Variants in PCDHA11 observed in about 807,000 individuals in gnomAD.
PCDHA11 encodes the protein protocadherin alpha-11.
PCDHA11 carries 61 observed loss-of-function variants against 70.3 expected under a neutral mutation model. That is an observed-to-expected ratio of 0.87 (90% CI 0.71 to 1.07). PCDHA11 has a LOEUF of 1.07. Among genes scored for constraint, PCDHA11 ranks in the 50% least tolerant of loss-of-function variants. PCDHA11 has a pLI of 0.00. For missense variants in PCDHA11, 1,324 were observed against 1,237.5 expected (o/e 1.07, Z -1.05); for synonymous variants, 633 against 555.1 (o/e 1.14, Z -1.97).
rs782325875 is a variant in PCDHA11, at chr5:140,979,026, A to T, written c.2450+19A>T. The T allele has an allele frequency of 6.2e-7, 1 of 1,613,490 alleles. No homozygotes were observed. The highest frequency in any genetic ancestry group is 1.1e-5 in the South Asian group (1 of 90,898). On this transcript the variant is annotated intron_variant, in intron 2 of 3. Transcript: ENST00000398640. ...TGCACAGGTATGTATTTCCCTCCTC[A>T]TTCACTCAGAAGTAACCTTAACTTG...
chr5:140,927,870 G>A (rs1302526715), intron 1 of PCDHA11: 1 of 1,614,100 alleles, frequency 6.2e-7, no homozygotes. Context: ...CCGCTAAACT[G>A]CTGGTGGAGG....
chr5:140,969,506 G>T, intron 1 of PCDHA11: 1 of 1,427,058 alleles, frequency 7.0e-7, no homozygotes, highest in Non-Finnish European at 9.3e-7. Flanking sequence ...TAGAAAAATA[G>T]CACTAAAGAA....
chr5:140,889,400 A>T (rs187751360), intron 1 of PCDHA11, among the ~76,000 whole-genome samples: 1 of 152,050 alleles, frequency 6.6e-6, no homozygotes, highest in Admixed American at 6.5e-5. Context: ...AGTTTAATTT[A>T]CTCGAGTCAG....
At chr5:140,887,661 T>A (rs1322494406) in intron 1 of PCDHA11, among the ~76,000 whole-genome samples, 1 of 152,170 alleles carries the variant, frequency 6.6e-6, no homozygotes, top group African/African-American at 2.4e-5. Context: ...CTTGGATCTG[T>A]GGATTTATCA....
At chr5:140,897,307 A>G (rs2065987327) in intron 1 of PCDHA11, among the ~76,000 whole-genome samples, 2 of 148,058 alleles carry the variant, frequency 1.4e-5, no homozygotes, top group African/African-American at 2.5e-5. Context: ...AGCATTAGGT[A>G]TATCTCCTAA....
At chr5:140,947,627 A>C (rs1375142600) in intron 1 of PCDHA11, among the ~76,000 whole-genome samples, 1 of 151,696 alleles carries the variant, frequency 6.6e-6, no homozygotes, top group Non-Finnish European at 1.5e-5. Context: ...ATATTGAGTC[A>C]TCAGATCGTA....
intron 3 of PCDHA11, among the ~76,000 whole-genome samples, chr5:140,988,382 T>C (rs2097295449): frequency 6.6e-6 from 1 of 152,148 alleles, no homozygotes; most frequent in African/African-American, 2.4e-5. Flanking sequence ...TGAAACTCAT[T>C]GTGTTTGCCA....
At chr5:140,993,406 T>C (rs1382987714) in intron 3 of PCDHA11, among the ~76,000 whole-genome samples, 2 of 150,998 alleles carry the variant, frequency 1.3e-5, no homozygotes, top group South Asian at 4.2e-4. Flanking sequence ...TTAACCACCT[T>C]CATCAGCATT....
intron 1 of PCDHA11, among the ~76,000 whole-genome samples, chr5:140,937,638 C>T (rs1563161991): frequency 6.7e-6 from 1 of 150,048 alleles, no homozygotes; most frequent in Non-Finnish European, 1.5e-5. Flanking sequence ...AAAGGCAGGG[C>T]ATGGTGGCTC....
At chr5:140,890,995 AATTATTG>A (rs2062893933) in intron 1 of PCDHA11, among the ~76,000 whole-genome samples, 1 of 152,138 alleles carries the variant, frequency 6.6e-6, no homozygotes, top group Non-Finnish European at 1.5e-5. Context: ...ATTTCATCAT[AATTATTG>A]AAAAGCATTT....
intron 1 of PCDHA11, among the ~76,000 whole-genome samples, chr5:140,875,022 C>A (rs1267699693): frequency 1.3e-5 from 2 of 152,116 alleles, no homozygotes; most frequent in Non-Finnish European, 2.9e-5. Context: ...TAGGTTCTGG[C>A]CTACTGTATT....
At chr5:140,979,710 A>G (rs1178718053) in intron 2 of PCDHA11, among the ~76,000 whole-genome samples, 1 of 152,268 alleles carries the variant, frequency 6.6e-6, no homozygotes, top group Non-Finnish European at 1.5e-5. Flanking sequence ...GAGGTGATCC[A>G]GTATCCATGC....
chr5:140,908,861 T>C (rs1554193539), intron 1 of PCDHA11, among the ~76,000 whole-genome samples: 1 of 152,160 alleles, frequency 6.6e-6, no homozygotes, highest in Admixed American at 6.5e-5. Flanking sequence ...AAATGAGGAA[T>C]GTGTTGCCTC....
At chr5:140,931,035 C>A (rs2153606811) in intron 1 of PCDHA11, among the ~76,000 whole-genome samples, 1 of 152,250 alleles carries the variant, frequency 6.6e-6, no homozygotes, top group Non-Finnish European at 1.5e-5. Context: ...GTAGAGCTAG[C>A]AAGAAAAACT....
chr5:140,929,508 A>C (rs1200880949), intron 1 of PCDHA11: 3 of 831,290 alleles, frequency 3.6e-6, no homozygotes, highest in Non-Finnish European at 5.1e-6. Context: ...CCTAGGCCTC[A>C]AGGGACTTAT....
At chr5:140,897,367 T>G (rs1554187348) in intron 1 of PCDHA11, among the ~76,000 whole-genome samples, 1 of 125,642 alleles carries the variant, frequency 8.0e-6, no homozygotes, top group South Asian at 2.5e-4. Flanking sequence ...CAGAGTGTGA[T>G]GTTCCCTTCC....
At chr5:140,991,753 T>C (rs1262588559) in intron 3 of PCDHA11, among the ~76,000 whole-genome samples, 3 of 152,208 alleles carry the variant, frequency 2.0e-5, no homozygotes, top group Non-Finnish European at 2.9e-5. Flanking sequence ...CTTTCTATCA[T>C]GCTCTTCAAA....
In PCDHA11 at chr5:140,961,268, T is replaced by C. The variant is rs116524101; in HGVS notation, c.2392-17681T>C. Reference sequence around the variant, plus strand: ...TATCCGAAGCTCCAGGAAGCTTCTTTTTACCATGGCTCTGTTTCTTGAGGT... The same window carrying C: ...TATCCGAAGCTCCAGGAAGCTTCTTCTTACCATGGCTCTGTTTCTTGAGGT... On this transcript the variant is annotated intron_variant, in intron 1 of 3. Coordinates refer to ENST00000398640, the MANE Select transcript of PCDHA11 (RefSeq NM_018902.5). Among the ~76,000 whole-genome samples the C allele has an allele frequency of 5.5e-3, 833 of 152,318 alleles. 9 individuals carry two copies. The highest frequency in any genetic ancestry group is 0.019 in the African/African-American group (777 of 41,562).
At chr5:140,964,910 A>G (rs1474342229) in intron 1 of PCDHA11, among the ~76,000 whole-genome samples, 2 of 152,206 alleles carry the variant, frequency 1.3e-5, no homozygotes, top group African/African-American at 4.8e-5. Context: ...CTTCTCTGGA[A>G]TAACACTGGC....
Sources: allele counts gnomAD v4.1 joint callset (sites outside exome capture counted in the v4.1 genomes callset), GRCh38; gene constraint gnomAD v4.1.1; transcripts MANE v1.5; gene names NCBI Gene and HGNC (gene_info 2026-07-23, HGNC 2026-07-21).